TNFSF4: variants seen among roughly 807,000 people sequenced by gnomAD.
TNFSF4 encodes the protein tumor necrosis factor ligand superfamily member 4.
TNFSF4 carries 4 observed loss-of-function variants against 7.3 expected under a neutral mutation model. That is an observed-to-expected ratio of 0.55 (90% confidence interval 0.27 to 1.25). The LOEUF (loss-of-function observed/expected upper bound fraction) is 1.25. Among genes scored for constraint, TNFSF4 ranks in the 50% most tolerant of loss-of-function variants. The probability of loss-of-function intolerance (pLI) is 0.12; values close to 1 mark genes in which losing one functional copy is unlikely to be tolerated. For missense variants in TNFSF4, 181 were observed against 208.8 expected (o/e 0.87, Z 0.82); for synonymous variants, 76 against 83.7 (o/e 0.91, Z 0.50).
chr1:173,386,708 A>T, the TNFSF4 span, among the ~76,000 whole-genome samples: 1 of 152,066 alleles, frequency 6.6e-6, no homozygotes, highest in Non-Finnish European at 1.5e-5. Context: ...TCTGACTCCA[A>T]CTCCGAGAGA....
At chr1:173,413,060 A>G in the TNFSF4 span, among the ~76,000 whole-genome samples, 1 of 152,180 alleles carries the variant, frequency 6.6e-6, no homozygotes, top group Non-Finnish European at 1.5e-5. Context: ...CCAAAAATGG[A>G]CAGAGGAGGG....
the TNFSF4 span, among the ~76,000 whole-genome samples, chr1:173,269,893 G>A: frequency 6.6e-6 from 1 of 152,078 alleles, no homozygotes. Flanking sequence ...CACTTGCTGA[G>A]AGCACATTGG....
the TNFSF4 span, among the ~76,000 whole-genome samples, chr1:173,296,408 C>G: frequency 6.6e-6 from 1 of 151,908 alleles, no homozygotes; most frequent in Non-Finnish European, 1.5e-5. Flanking sequence ...ATGAGTCATG[C>G]CTTCAAGGAG....
the TNFSF4 span, among the ~76,000 whole-genome samples, chr1:173,260,389 A>C: frequency 0.1 from 15,780 of 152,254 alleles, 1,888 homozygotes; most frequent in African/African-American, 0.29. Flanking sequence ...ACAAAAACAC[A>C]CTGTAGTAGG....
At chr1:173,354,020 CA>C in the TNFSF4 span, among the ~76,000 whole-genome samples, 1,667 of 142,528 alleles carry the variant, frequency 0.012, 15 homozygotes, top group Non-Finnish European at 0.018. Flanking sequence ...CACACACACA[CA>C]AAAAAAAAAA....
the TNFSF4 span, among the ~76,000 whole-genome samples, chr1:173,255,012 AGAG>A: frequency 1.3e-5 from 2 of 152,054 alleles, no homozygotes; most frequent in Non-Finnish European, 2.9e-5. Flanking sequence ...TCCCACCCTT[AGAG>A]ATTCTGAATT....
the TNFSF4 span, among the ~76,000 whole-genome samples, chr1:173,378,754 A>T: frequency 6.6e-6 from 1 of 152,124 alleles, no homozygotes. Context: ...AGGACCTCTC[A>T]GCTTACCCCC....
chr1:173,195,846 G>A (rs143904258), intron 1 of TNFSF4, among the ~76,000 whole-genome samples: 2 of 152,182 alleles, frequency 1.3e-5, no homozygotes, highest in Non-Finnish European at 2.9e-5. Flanking sequence ...TGGGCTAGTA[G>A]AGGGTGGTAG....
At chr1:173,317,398 G>C in the TNFSF4 span, among the ~76,000 whole-genome samples, 1 of 152,224 alleles carries the variant, frequency 6.6e-6, no homozygotes, top group Non-Finnish European at 1.5e-5. Flanking sequence ...GACCAAGTGT[G>C]ATTACTACAC....
the TNFSF4 span, among the ~76,000 whole-genome samples, chr1:173,282,205 CCAAA>C: frequency 9.5e-4 from 145 of 151,964 alleles, 1 homozygote; most frequent in Non-Finnish European, 1.6e-3. Flanking sequence ...TAGGATGTTC[CCAAA>C]CAAAGAAACG....
the TNFSF4 span, among the ~76,000 whole-genome samples, chr1:173,286,549 G>T: frequency 6.6e-6 from 1 of 152,066 alleles, no homozygotes; most frequent in African/African-American, 2.4e-5. Flanking sequence ...ATCCATTTTT[G>T]AAATTAACTT....
At chr1:173,240,978 T>C in the TNFSF4 span, among the ~76,000 whole-genome samples, 7 of 152,234 alleles carry the variant, frequency 4.6e-5, no homozygotes, top group Admixed American at 3.9e-4. Context: ...TTCTGCCAAT[T>C]GTCTAGCCAC....
chr1:173,422,293 G>C, the TNFSF4 span, among the ~76,000 whole-genome samples: 1 of 109,944 alleles, frequency 9.1e-6, no homozygotes, highest in Non-Finnish European at 1.7e-5. Flanking sequence ...AAACAATGCA[G>C]AATGAGAGAG....
At chr1:173,182,169 T>G (rs1046073692), downstream of TNFSF4, among the ~76,000 whole-genome samples, 1 of 152,250 alleles carries the variant, frequency 6.6e-6, no homozygotes, top group African/African-American at 2.4e-5. Flanking sequence ...ACTTGGTTCT[T>G]ATGTTCTTAC....
chr1:173,339,398 A>G, the TNFSF4 span, among the ~76,000 whole-genome samples: 1 of 152,066 alleles, frequency 6.6e-6, no homozygotes, highest in Non-Finnish European at 1.5e-5. Context: ...ATAAAATAAA[A>G]TAAACAGCTA....
downstream of TNFSF4, among the ~76,000 whole-genome samples, chr1:173,181,400 T>C (rs12239773): frequency 0.019 from 2,844 of 152,280 alleles, 87 homozygotes; most frequent in African/African-American, 0.065. Context: ...TTTCTCAGCA[T>C]TGGCAGGACT....
At chr1:173,382,526 A>T in the TNFSF4 span, among the ~76,000 whole-genome samples, 1 of 152,228 alleles carries the variant, frequency 6.6e-6, no homozygotes, top group Non-Finnish European at 1.5e-5. Flanking sequence ...TACCTATGTA[A>T]CAAACCTGCA....
upstream of TNFSF4, among the ~76,000 whole-genome samples, chr1:173,210,706 G>A (rs1250765103): frequency 1.3e-5 from 2 of 151,734 alleles, no homozygotes; most frequent in African/African-American, 2.4e-5. Context: ...GAAATGGCAG[G>A]TACTTCAGGA....
At chr1:173,256,510 C>G in the TNFSF4 span, among the ~76,000 whole-genome samples, 1 of 152,090 alleles carries the variant, frequency 6.6e-6, no homozygotes, top group Non-Finnish European at 1.5e-5. Flanking sequence ...ACCCAAAGAG[C>G]CATCACATTG....
Sources: allele counts gnomAD v4.1 joint callset (sites outside exome capture counted in the v4.1 genomes callset), GRCh38; gene constraint gnomAD v4.1.1; transcripts MANE v1.5; gene names NCBI Gene and HGNC (gene_info 2026-07-23, HGNC 2026-07-21).